APBA2: variants seen among roughly 807,000 people sequenced by gnomAD.
The protein encoded by APBA2 is amyloid-beta A4 precursor protein-binding family A member 2.
Under a neutral mutation model 75.0 loss-of-function variants are expected in APBA2, and 30 were observed. That is an observed-to-expected ratio of 0.40 (90% CI 0.30 to 0.54). The LOEUF (loss-of-function observed/expected upper bound fraction) is 0.54, where lower values mean the gene tolerates loss of function less well. APBA2 is among the 20% of genes least tolerant of loss of function. APBA2 has a pLI of 0.49. For missense variants in APBA2, 801 were observed against 1,016.1 expected (o/e 0.79, Z 2.88); for synonymous variants, 444 against 409.6 (o/e 1.08, Z -1.01).
chr15:29,060,613 G>A (rs917551496), intron 4 of APBA2, among the ~76,000 whole-genome samples: 1 of 152,146 alleles, frequency 6.6e-6, no homozygotes, highest in African/African-American at 2.4e-5. Flanking sequence ...GGGATACGGT[G>A]CCAGTGAGGT....
chr15:28,949,397 G>A (rs1322189232), intron 2 of APBA2, among the ~76,000 whole-genome samples: 1 of 152,184 alleles, frequency 6.6e-6, no homozygotes, highest in African/African-American at 2.4e-5. Flanking sequence ...ATGGATGGAT[G>A]CGTTAACCAG....
At chr15:29,102,863 C>G (rs2044197754) in intron 10 of APBA2, 1 of 152,168 alleles carries the variant, frequency 6.6e-6, no homozygotes, top group South Asian at 2.1e-4. Context: ...GGGAAGGGTC[C>G]CCATATTGTC....
At chr15:29,008,289 A>G (rs1371195631) in intron 3 of APBA2, among the ~76,000 whole-genome samples, 1 of 152,226 alleles carries the variant, frequency 6.6e-6, no homozygotes, top group African/African-American at 2.4e-5. Context: ...TACAAAGTGA[A>G]AAGAGTTCTG....
At position 28,993,288 on chromosome 15, in the gene APBA2, C is replaced by T. The variant is rs148513217; in HGVS notation, c.-94-2465C>T. 9.5e-4 allele frequency among the ~76,000 whole-genome samples: 145 copies of T among 152,302 alleles called. 1 individual carries two copies. The highest frequency in any genetic ancestry group is 3.2e-3 in the African/African-American group (134 of 41,572). On this transcript the variant is annotated intron_variant, in intron 2 of 14. Coordinates refer to ENST00000683413, the MANE Select transcript of APBA2 (RefSeq NM_001353788.2). ...ACATAGGTCACTCGAATCACACAGC[C>T]GTGCTTTAGTGAATGCTAGCCAGGG...
chr15:29,102,974 G>T (rs911737759), intron 10 of APBA2, among the ~76,000 whole-genome samples: 1 of 152,202 alleles, frequency 6.6e-6, no homozygotes, highest in African/African-American at 2.4e-5. Context: ...GAAGTGCTTC[G>T]GCGCAATGGC....
At chr15:29,110,109 C>T (rs28589633) in intron 13 of APBA2, among the ~76,000 whole-genome samples, 4 of 152,330 alleles carry the variant, frequency 2.6e-5, no homozygotes, top group Non-Finnish European at 5.9e-5. Context: ...AGCTGCTGTG[C>T]GCACTTTGTG....
chr15:29,021,621 C>A (rs1242457331), intron 3 of APBA2, among the ~76,000 whole-genome samples: 3 of 152,162 alleles, frequency 2.0e-5, no homozygotes, highest in Non-Finnish European at 4.4e-5. Context: ...CTCCTGCCTA[C>A]TTTATTACGA....
intron 2 of APBA2, among the ~76,000 whole-genome samples, chr15:28,974,558 T>G (rs2152757524): frequency 6.6e-6 from 1 of 152,244 alleles, no homozygotes; most frequent in South Asian, 2.1e-4. Flanking sequence ...CCTCAATGAG[T>G]TCCGTAACAG....
chr15:28,962,514 A>C (rs1381782909), intron 2 of APBA2, among the ~76,000 whole-genome samples: 1 of 152,110 alleles, frequency 6.6e-6, no homozygotes, highest in Non-Finnish European at 1.5e-5. Context: ...GGTTACAGTG[A>C]GCAGAGATCG....
intron 8 of APBA2, among the ~76,000 whole-genome samples, chr15:29,096,348 G>A (rs1007601545): frequency 6.6e-6 from 1 of 152,182 alleles, no homozygotes; most frequent in Non-Finnish European, 1.5e-5. Flanking sequence ...GCTTCAGGCT[G>A]CCCCTCTTCT....
chr15:29,108,956 A>G (rs543471617), intron 13 of APBA2, among the ~76,000 whole-genome samples: 1 of 152,228 alleles, frequency 6.6e-6, no homozygotes, highest in Non-Finnish European at 1.5e-5. Flanking sequence ...TCTTTAGCCC[A>G]GAGTTTCCAC....
chr15:29,100,802 C>T (rs1229405225), intron 9 of APBA2, among the ~76,000 whole-genome samples: 1 of 152,240 alleles, frequency 6.6e-6, no homozygotes, highest in African/African-American at 2.4e-5. Flanking sequence ...GGTGGCCTCT[C>T]ATCCGGGAAT....
At chr15:28,966,986 AC>A (rs2036774014) in intron 2 of APBA2, among the ~76,000 whole-genome samples, 1 of 152,194 alleles carries the variant, frequency 6.6e-6, no homozygotes, top group Non-Finnish European at 1.5e-5. Context: ...TGACATAATA[AC>A]TTTTGCTTCA....
intron 1 of APBA2, among the ~76,000 whole-genome samples, chr15:28,894,363 C>T (rs892473795): frequency 7.2e-5 from 11 of 152,294 alleles, no homozygotes; most frequent in East Asian, 1.9e-4. Flanking sequence ...ATGGAGGGGG[C>T]TGCTGGAGAA....
chr15:29,032,591 G>A (rs1019411417), intron 3 of APBA2, among the ~76,000 whole-genome samples: 4 of 152,056 alleles, frequency 2.6e-5, no homozygotes, highest in African/African-American at 7.2e-5. Context: ...TTTTCATCTG[G>A]TGATCTATTT....
At chr15:29,009,306 A>G (rs1237735933) in intron 3 of APBA2, among the ~76,000 whole-genome samples, 1 of 152,212 alleles carries the variant, frequency 6.6e-6, no homozygotes, top group African/African-American at 2.4e-5. Flanking sequence ...GGAGTTGTTC[A>G]TGGAGACTAA....
intron 1 of APBA2, among the ~76,000 whole-genome samples, chr15:28,895,316 G>A (rs1055260021): frequency 3.3e-5 from 5 of 152,188 alleles, no homozygotes; most frequent in African/African-American, 1.2e-4. Context: ...CTGTCCTTAC[G>A]GGGCTCCCAG....
intron 2 of APBA2, among the ~76,000 whole-genome samples, chr15:28,992,132 G>A (rs2038266479): frequency 6.6e-6 from 1 of 152,136 alleles, no homozygotes; most frequent in South Asian, 2.1e-4. Context: ...CAGGGCTGGT[G>A]TCCCCTGCTT....
chr15:28,891,902 C>T (rs146737002), intron 1 of APBA2, among the ~76,000 whole-genome samples: 1,890 of 152,160 alleles, frequency 0.012, 48 homozygotes, highest in African/African-American at 0.043. Flanking sequence ...GTGACATTGT[C>T]GTAAAGTTGT....
Sources: allele counts gnomAD v4.1 joint callset (sites outside exome capture counted in the v4.1 genomes callset), GRCh38; gene constraint gnomAD v4.1.1; transcripts MANE v1.5; gene names NCBI Gene and HGNC (gene_info 2026-07-23, HGNC 2026-07-21).